Variants in ERC1 observed in about 807,000 individuals in gnomAD.
ERC1 encodes the protein RAB6 interacting protein 2.
Under a neutral mutation model 132.0 loss-of-function variants are expected in ERC1, and 56 were observed. The observed-to-expected ratio is 0.42, with a 90% CI of 0.34 to 0.53. The LOEUF (loss-of-function observed/expected upper bound fraction) is 0.53. ERC1 is among the 20% of genes least tolerant of loss of function. ERC1 has a pLI of 0.03. For synonymous variants in ERC1, 478 were observed against 476.1 expected (o/e 1.00, Z -0.05); for missense variants, 1,202 against 1,349.9 (o/e 0.89, Z 1.72).
At chr12:1,148,125 T>C (rs536241759) in intron 8 of ERC1, among the ~76,000 whole-genome samples, 1 of 152,326 alleles carries the variant, frequency 6.6e-6, no homozygotes, top group East Asian at 1.9e-4. Flanking sequence ...CTGGTTAGAA[T>C]TCAAAGGTTG....
intron 17 of ERC1, among the ~76,000 whole-genome samples, chr12:1,427,890 G>T (rs1292725646): frequency 1.3e-5 from 2 of 152,242 alleles, no homozygotes; most frequent in Admixed American, 6.5e-5. Flanking sequence ...TGAGTGCATT[G>T]TAAGTAATTT....
chr12:1,486,641 T>G (rs1230328161), intron 18 of ERC1, among the ~76,000 whole-genome samples: 1 of 152,068 alleles, frequency 6.6e-6, no homozygotes, highest in African/African-American at 2.4e-5. Flanking sequence ...GCCAGGCTGG[T>G]TTTGAACTCC....
intron 15 of ERC1, among the ~76,000 whole-genome samples, chr12:1,301,913 T>C (rs1271413639): frequency 6.6e-6 from 1 of 152,218 alleles, no homozygotes; most frequent in Non-Finnish European, 1.5e-5. Flanking sequence ...TGTTGAATTC[T>C]ACCAAATGTT....
chr12:1,204,806 T>G (rs2154287126), intron 12 of ERC1, among the ~76,000 whole-genome samples: 1 of 152,308 alleles, frequency 6.6e-6, no homozygotes, highest in South Asian at 2.1e-4. Flanking sequence ...AAAAGAATTG[T>G]GTTAATGTAA....
In ERC1 at chr12:1,259,300, G is replaced by A. The variant is rs571352759; in HGVS notation, c.2488-3734G>A. 6.3e-4 allele frequency among the ~76,000 whole-genome samples: 96 copies of A among 151,876 alleles called. 1 individual carries two copies. The highest frequency in any genetic ancestry group is 2.1e-3 in the African/African-American group (88 of 41,444). On this transcript the variant is annotated intron_variant, in intron 13 of 18. Transcript: ENST00000360905. ...GTTGTATTATTTTTCTTATTTGGGCGTTGTCTGTTGACATCTTATCATAGA... is the reference window on the plus strand; with the variant it reads ...GTTGTATTATTTTTCTTATTTGGGCATTGTCTGTTGACATCTTATCATAGA...
chr12:1,266,391 C>CTTTTTTTTTTTTTTTTTT (rs71293128), intron 14 of ERC1, among the ~76,000 whole-genome samples: 1 of 42,994 alleles, frequency 2.3e-5, no homozygotes, highest in Non-Finnish European at 4.0e-5. Flanking sequence ...CGTTTCCTGT[C>CTTTTTTTTTTTTTTTTTT]TTTTTTTTTT....
chr12:1,353,644 A>G (rs1412839827), intron 15 of ERC1, among the ~76,000 whole-genome samples: 1 of 152,234 alleles, frequency 6.6e-6, no homozygotes, highest in Non-Finnish European at 1.5e-5. Flanking sequence ...TGTGGAACAC[A>G]AGCAAGCCGT....
chr12:1,339,886 A>C (rs1404468213), intron 15 of ERC1, among the ~76,000 whole-genome samples: 1 of 152,154 alleles, frequency 6.6e-6, no homozygotes, highest in Non-Finnish European at 1.5e-5. Context: ...CAAGGCTCCA[A>C]CTGCAGTGAC....
intron 13 of ERC1, among the ~76,000 whole-genome samples, chr12:1,242,142 T>C (rs976390187): frequency 6.6e-6 from 1 of 152,164 alleles, no homozygotes; most frequent in Non-Finnish European, 1.5e-5. Context: ...CCCAGCCTTT[T>C]TGCATTTCTT....
At chr12:1,395,508 C>T (rs922138970) in intron 16 of ERC1, among the ~76,000 whole-genome samples, 4 of 150,214 alleles carry the variant, frequency 2.7e-5, no homozygotes, top group East Asian at 2.0e-4. Flanking sequence ...CTCCAGAGTT[C>T]GAAGTTAAAG....
chr12:1,091,751 C>G (rs1296854408), intron 3 of ERC1, among the ~76,000 whole-genome samples: 1 of 152,090 alleles, frequency 6.6e-6, no homozygotes, highest in Non-Finnish European at 1.5e-5. Context: ...AAAATTTACT[C>G]TGGTTGTGCT....
intron 11 of ERC1, among the ~76,000 whole-genome samples, chr12:1,187,107 A>G (rs1479292351): frequency 2.6e-5 from 4 of 152,232 alleles, no homozygotes; most frequent in Non-Finnish European, 5.9e-5. Context: ...ATGGGGTGAC[A>G]GGCGTGAGCC....
chr12:1,239,670 A>C (rs899828872), intron 13 of ERC1, among the ~76,000 whole-genome samples: 1 of 152,182 alleles, frequency 6.6e-6, no homozygotes, highest in African/African-American at 2.4e-5. Context: ...GTGAGCTGTG[A>C]TTGTGCCACT....
rs1187603555 is a variant in ERC1 at position 1,492,294 on chromosome 12, G to A, written c.*2064G>A. 8 of 232,928 alleles carry A rather than the reference G, an allele frequency of 3.4e-5. No homozygotes were observed. The highest frequency in any genetic ancestry group is 4.2e-5 in the Non-Finnish European group (5 of 117,900). 14.4% of individuals were successfully genotyped at this position (232,928 alleles called of 1,614,324 possible). On this transcript the variant is annotated 3_prime_UTR_variant, in exon 19 of 19. Coordinates refer to ENST00000360905, the MANE Select transcript of ERC1 (RefSeq NM_178040.4). The stretch of plus-strand genomic sequence containing the variant: ...CTCAATTCTGTTCATTGCAGTGCCC[G>A]TAAACCATGTAGAAAGCTCCCAGCA...
At position 1,232,470 on chromosome 12, in the gene ERC1, T is replaced by C. The variant is rs75579121; in HGVS notation, c.2352-4299T>C. Among the ~76,000 whole-genome samples the C allele has an allele frequency of 2.9e-3, 441 of 152,314 alleles. 4 individuals carry two copies. Among genetic ancestry groups the C allele is most frequent in the Middle Eastern group, 0.02 (6 of 294 alleles). On this transcript the variant is annotated intron_variant, in intron 12 of 18. Transcript: ENST00000360905. ...TCATTTAATGCTGCATCGGAGCTTC[T>C]GTATGCTTTTGTCGTTTTTAATTCA...
upstream of ERC1, chr12:991,155 C>A (rs1279593599): frequency 1.3e-5 from 2 of 149,860 alleles, no homozygotes; most frequent in Admixed American, 1.3e-4. Context: ...GGGAGGCGCG[C>A]TGCGCCCCGC....
At chr12:1,219,239 T>C (rs908999787) in intron 12 of ERC1, among the ~76,000 whole-genome samples, 5 of 152,108 alleles carry the variant, frequency 3.3e-5, no homozygotes, top group Admixed American at 6.6e-5. Context: ...ATTAATAATA[T>C]ACAAGGTGCT....
At chr12:1,153,298 A>T (rs981908824) in intron 8 of ERC1, among the ~76,000 whole-genome samples, 4 of 152,274 alleles carry the variant, frequency 2.6e-5, no homozygotes, top group African/African-American at 9.6e-5. Flanking sequence ...TGATAGGCAC[A>T]TGCTGAATAT....
chr12:1,166,608 T>C (rs1309903794), intron 8 of ERC1, among the ~76,000 whole-genome samples: 1 of 152,206 alleles, frequency 6.6e-6, no homozygotes, highest in African/African-American at 2.4e-5. Flanking sequence ...AGATGTTGGA[T>C]TTTATAAAAT....
Sources: allele counts gnomAD v4.1 joint callset (sites outside exome capture counted in the v4.1 genomes callset), GRCh38; gene constraint gnomAD v4.1.1; transcripts MANE v1.5; gene names NCBI Gene and HGNC (gene_info 2026-07-23, HGNC 2026-07-21).